Variants in MYRF observed in about 807,000 individuals in gnomAD.
The protein encoded by MYRF is myelin gene regulatory factor.
A neutral mutation model predicts 126.3 loss-of-function variants in MYRF; 16 were observed. The observed-to-expected ratio is 0.13, with a 90% confidence interval of 0.09 to 0.19. The LOEUF (loss-of-function observed/expected upper bound fraction) is 0.19. Ranked by LOEUF, MYRF falls within the 10% of genes least tolerant of loss-of-function variation. MYRF has a pLI of 1.00. For synonymous variants in MYRF, 608 were observed against 635.3 expected, an observed-to-expected ratio of 0.96 and a Z score of 0.65; for missense variants, 1,104 against 1,547.0, an observed-to-expected ratio of 0.71 and a Z score of 4.80.
In MYRF at chr11:61,778,763, G is replaced by A. The variant is rs530270708; in HGVS notation, c.2013+274G>A. Reference sequence around the variant, plus strand: ...TGGCCTTCCACCCCCGGTAAAATGAGGGCGGTAATAGAACTGCACAGACAT... The same window carrying A: ...TGGCCTTCCACCCCCGGTAAAATGAAGGCGGTAATAGAACTGCACAGACAT... On this transcript the variant is annotated intron_variant, in intron 14 of 26. Transcript: ENST00000278836. This position sits in a 1 kb window ranked among gnomAD's most constrained non-coding sequence, Gnocchi z 4.6. 71 of 610,860 alleles carry A rather than the reference G, an allele frequency of 1.2e-4. No homozygotes were observed. The highest frequency in any genetic ancestry group is 2.6e-4 in the Middle Eastern group (1 of 3,918). The allele number at this position is 610,860 out of a possible 1,614,324, so 37.8% of individuals were successfully genotyped here. A position where few individuals can be genotyped will look rare whatever the true frequency, so the allele number is the denominator to read the frequency against.
Position 61,769,447 on chromosome 11 carries a change from T to C in MYRF, c.460+126T>C, listed in dbSNP as rs2066148505. 10 of 717,112 alleles carry C rather than the reference T, an allele frequency of 1.4e-5. No individual in the cohort carries two copies. In the Admixed American group the frequency reaches 2.3e-4, roughly 16 times the overall value. The allele number at this position is 717,112 out of a possible 1,614,324, so 44.4% of individuals were successfully genotyped here. On this transcript the variant is annotated intron_variant, in intron 4 of 26. Transcript: ENST00000278836. ...CCCAACGGGCTGAGATTATCGCTGG[T>C]CAAATACTCCCTGGCGCTTGGCTAT... is the stretch of plus-strand genomic sequence containing the variant.
Position 61,781,191 on chromosome 11 carries a change from A to C in MYRF, c.2626A>C (p.Met876Leu). Reference protein sequence around the residue: ...APGSAVRTLDMCSSHPCPVIC... With the variant: ...APGSAVRTLDLCSSHPCPVIC... The stretch of plus-strand genomic sequence containing the variant: ...AGGTTCTGCTGTCCGCACCTTGGAC[A>C]TGTGTTCCAGCCACCCCTGCCCTGT... The change falls in exon 21 of 27, where the codon ATG (methionine) becomes CTG (leucine). Residue 876 changes from methionine to leucine, a missense_variant. Met to Leu is a conservative substitution (Grantham distance 15). Transcript: ENST00000278836. 1.9e-6 allele frequency: 3 copies of C among 1,614,006 alleles called. No homozygotes were observed. The highest frequency in any genetic ancestry group is 2.5e-6 in the Non-Finnish European group (3 of 1,180,024).
rs1028850029 is a variant in MYRF, at chr11:61,783,362, A to G, written c.3017-136A>G. ...GAAAGGGTGTAGTGTGATGCTGGCC[A>G]TTGTGGAGGTCTGGAAAAAAATAAC... On this transcript the variant is annotated intron_variant, in intron 22 of 26. Transcript: ENST00000278836. This position sits in a 1 kb window ranked among gnomAD's most constrained non-coding sequence, Gnocchi z 4.6. The G allele has an allele frequency of 5.7e-6, 4 of 701,680 alleles. No homozygotes were observed. The highest frequency in any genetic ancestry group is 2.0e-5 in the Admixed American group (1 of 50,544). The allele number at this position is 701,680 out of a possible 1,614,324, so 43.5% of individuals were successfully genotyped here. A position where few individuals can be genotyped will look rare whatever the true frequency, so the allele number is the denominator to read the frequency against.
In MYRF at chr11:61,780,271, G is replaced by A. The variant is rs1304170820; in HGVS notation, c.2386G>A (p.Asp796Asn). 11 of 1,613,428 alleles carry A rather than the reference G, an allele frequency of 6.8e-6. No individual in the cohort carries two copies. Among genetic ancestry groups the A allele is most frequent in the African/African-American group, 2.7e-5 (2 of 74,898 alleles). The change falls in exon 18 of 27, where the codon GAC (aspartate) becomes AAC (asparagine). Residue 796 changes from aspartate (D) to asparagine (N), a missense_variant. Physicochemically the swap from Asp to Asn is conservative, Grantham distance 23. This residue lies in a region of MYRF where 323 missense variants were observed against 383.1 expected (regional missense o/e 0.84). Coordinates refer to ENST00000278836, the MANE Select transcript of MYRF (RefSeq NM_001127392.3). ...CGTGCTGAGCCTGCGCACAGAGGAG[G>A]ACCTGGTAGACACTGATGGGTAGGT... ...LYVLSLRTEE[D>N]LVDTDGSFAV...
In MYRF at chr11:61,780,202, A is replaced by G. The variant is rs1284269701; in HGVS notation, c.2337-20A>G. On this transcript the variant is annotated intron_variant, in intron 17 of 26. Transcript: ENST00000278836. ...GATGGTGGCTCCAGCTCTAACGGTC[A>G]CCCTTTTCTGTGGCTCCAGCGTGGT... The G allele has an allele frequency of 1.7e-5, 28 of 1,613,200 alleles. No individual in the cohort carries two copies. Among genetic ancestry groups the G allele is most frequent in the Middle Eastern group, 3.3e-4 (2 of 6,082 alleles).
At chr11:61,763,827 T>G (rs913222049) in intron 1 of MYRF, among the ~76,000 whole-genome samples, 4 of 151,970 alleles carry the variant, frequency 2.6e-5, no homozygotes, top group Non-Finnish European at 5.9e-5. Context: ...ATTGCACCAC[T>G]GCACTCCAGC....
chr11:61,773,416 G>A (rs758834662), intron 7 of MYRF, among the ~76,000 whole-genome samples: 8 of 152,282 alleles, frequency 5.3e-5, no homozygotes, highest in East Asian at 3.9e-4. Flanking sequence ...TTCCCTCCCC[G>A]GGCAGACGGA....
rs765459768 is a variant in MYRF, at chr11:61,765,689, C to G, written c.111C>G (p.Ile37Met). The change falls in exon 2 of 27, where the codon ATC becomes ATG. Residue 37 changes from isoleucine to methionine, a missense_variant. By Grantham distance (10) the Ile-to-Met change is conservative (BLOSUM62 1). This residue lies in a region of MYRF where 368 missense variants were observed against 403.9 expected (regional missense o/e 0.91). Coordinates refer to ENST00000278836, the MANE Select transcript of MYRF (RefSeq NM_001127392.3). ...NIDTSILEEY[I>M]SKEDASDLCF... ...ACACCAGCATCCTGGAGGAGTACAT[C>G]AGCAAGGAGGATGCCTCCGACCTGT... The G allele has an allele frequency of 1.2e-6, 2 of 1,612,736 alleles. No individual in the cohort carries two copies. Among genetic ancestry groups the G allele is most frequent in the African/African-American group, 2.7e-5 (2 of 74,882 alleles).
intron 1 of MYRF, among the ~76,000 whole-genome samples, chr11:61,763,436 TG>T (rs1486890954): frequency 6.6e-6 from 1 of 152,254 alleles, no homozygotes; most frequent in East Asian, 1.9e-4. Flanking sequence ...CATGATGAGT[TG>T]AGAAGCACTG....
chr11:61,763,971 A>G (rs10792318), intron 1 of MYRF, among the ~76,000 whole-genome samples: 30,124 of 152,288 alleles, frequency 0.2, 3,422 homozygotes, highest in Admixed American at 0.29. Flanking sequence ...CCGTGGTTAC[A>G]GCAGGGTGGG....
At chr11:61,772,413 G>T (rs959796949) in intron 7 of MYRF, among the ~76,000 whole-genome samples, 1 of 152,228 alleles carries the variant, frequency 6.6e-6, no homozygotes, top group Admixed American at 6.5e-5. Flanking sequence ...GCCGCAGGCC[G>T]GGAGCCCTGT....
At position 61,776,829 on chromosome 11, in the gene MYRF, C is replaced by G. The variant is rs1445782706; in HGVS notation, c.1542C>G (p.Asn514Lys). 5.6e-6 allele frequency: 9 copies of G among 1,608,824 alleles called. No individual in the cohort carries two copies. The highest frequency in any genetic ancestry group is 6.8e-6 in the Non-Finnish European group (8 of 1,178,002). The change falls in exon 11 of 27, where the codon AAC becomes AAG. Residue 514 changes from asparagine to lysine, a missense_variant. By Grantham distance (94) the Asn-to-Lys change is moderately conservative (BLOSUM62 0). Transcript: ENST00000278836. The surrounding 1 kb of genome is among the most constrained non-coding windows in gnomAD (Gnocchi z 4.3). The part of the protein sequence containing the change: ...LVVALQAHAQ[N>K]QNYTLAAQIS... The stretch of plus-strand genomic sequence containing the variant: ...TGGCCCTCCAGGCTCATGCACAGAA[C>G]CAGAACTACACGCTGGCCGCCCAGA...
rs1376611332 is a variant in MYRF at position 61,788,158 on chromosome 11, C to CT, written c.*2016dup. On this transcript the variant is annotated 3_prime_UTR_variant, in exon 27 of 27. Transcript: ENST00000278836. ...TGGTGTGAGTGTCTTGGCCCTGTCC[C>CT]TGCCCTGGGGTCCAGCAGGTCATCC... is the stretch of plus-strand genomic sequence containing the variant. The CT allele has an allele frequency of 6.5e-6, 1 of 152,882 alleles. No individual in the cohort carries two copies. The highest frequency in any genetic ancestry group is 2.4e-5 in the African/African-American group (1 of 41,432). 9.5% of individuals were successfully genotyped at this position (152,882 alleles called of 1,614,324 possible).
At chr11:61,784,191 T>A in intron 24 of MYRF, 89 bp from the exon 25 acceptor site, 1 of 1,263,336 alleles carries the variant, frequency 7.9e-7, no homozygotes. Context: ...TGGGTGGAGA[T>A]TCAGAGGCGT....
In MYRF at chr11:61,776,235, G is replaced by A; in HGVS notation, c.1389-87G>A. 6.4e-7 allele frequency: 1 copy of A among 1,564,854 alleles called. No homozygotes were observed. Among genetic ancestry groups the A allele is most frequent in the South Asian group, 1.1e-5 (1 of 89,108 alleles). On this transcript the variant is annotated intron_variant, in intron 9 of 26. Transcript: ENST00000278836. The surrounding 1 kb of genome is among the most constrained non-coding windows in gnomAD (Gnocchi z 4.3). ...GAGGTACCCAGGGTGTCCGCCTCAT[G>A]TACGTTGCTGGCCTGGGTGCCCCTC...
intron 1 of MYRF, chr11:61,754,410 A>G (rs547067102): frequency 6.6e-6 from 1 of 152,526 alleles, no homozygotes; most frequent in African/African-American, 2.4e-5. Flanking sequence ...CTGTTGATCC[A>G]TAGGAGCTCT....
rs1285152623 is a variant in MYRF, at chr11:61,755,357, T to C, written c.46+2567T>C. 2.5e-6 allele frequency: 4 copies of C among 1,601,274 alleles called. No homozygotes were observed. In the African/African-American group the frequency reaches 5.3e-5, roughly 21 times the overall value. ...CCCCGTGACCGCCCGGCTAATCCCC[T>C]AGAGAGAGGCAAGGCAGCCCAGATC... On this transcript the variant is annotated intron_variant, in intron 1 of 26. Transcript: ENST00000278836.
intron 7 of MYRF, among the ~76,000 whole-genome samples, chr11:61,772,377 A>G (rs1413361112): frequency 1.3e-5 from 2 of 152,130 alleles, no homozygotes; most frequent in Non-Finnish European, 2.9e-5. Context: ...CACCCCCTCA[A>G]CACCCAGATG....
Position 61,774,130 on chromosome 11 carries a change from G to A in MYRF, c.1279G>A (p.Asp427Asn), listed in dbSNP as rs544599100. Residue 427 changes from aspartate (D) to asparagine (N), a missense_variant, in exon 8 of 27, where the codon GAC becomes AAC. By Grantham distance (23) the Asp-to-Asn change is conservative. This residue lies in a region of MYRF where 36 missense variants were observed against 47.5 expected (regional missense o/e 0.76). Transcript: ENST00000278836. ...GACGCCCGAGGGCCTCAAGCCCCTCGACTGCTTCTATCTGAAGCTGCACGG... is the reference window on the plus strand; with the variant it reads ...GACGCCCGAGGGCCTCAAGCCCCTCAACTGCTTCTATCTGAAGCTGCACGG... ...VKTPEGLKPL[D>N]CFYLKLHGVK... 1.3e-5 allele frequency: 21 copies of A among 1,612,980 alleles called. No individual in the cohort carries two copies. In the South Asian group the frequency reaches 1.6e-4, roughly 13 times the overall value.
Sources: gnomAD v4.1 joint callset for allele counts (sites outside exome capture counted in the v4.1 genomes callset) on GRCh38, gnomAD v4.1.1 for gene constraint, gnomAD v4.1.1 regional missense constraint, Gnocchi (gnomAD v3.1) non-coding constraint, MANE v1.5 for transcripts, NCBI Gene and HGNC (gene_info 2026-07-23, HGNC 2026-07-21) for gene names.